The following UIMC1 variants were observed in gnomAD, a reference collection of about 807,000 sequenced individuals.
UIMC1 encodes the protein ubiquitin interaction motif containing 1, also known as BRCA1-A complex subunit RAP80.
UIMC1 carries 42 observed loss-of-function variants against 84.9 expected under a neutral mutation model. The observed-to-expected ratio is 0.49, with a 90% confidence interval of 0.39 to 0.64. The LOEUF (loss-of-function observed/expected upper bound fraction) is 0.64, where lower values mean the gene tolerates loss of function less well. Among genes scored for constraint, UIMC1 ranks in the 30% least tolerant of loss-of-function variants. UIMC1 has a pLI of 0.00. For missense variants in UIMC1, 825 were observed against 847.6 expected (o/e 0.97, Z 0.33); for synonymous variants, 281 against 293.0 (o/e 0.96, Z 0.42).
At chr5:176,954,882 C>T (rs1561816289) in intron 8 of UIMC1, among the ~76,000 whole-genome samples, 1 of 151,952 alleles carries the variant, frequency 6.6e-6, no homozygotes, top group Admixed American at 6.6e-5. Context: ...GTTTGAGTCT[C>T]TGTGGAAAAA....
chr5:176,933,570 A>G (rs1173977796), intron 10 of UIMC1, among the ~76,000 whole-genome samples: 1 of 151,408 alleles, frequency 6.6e-6, no homozygotes, highest in Non-Finnish European at 1.5e-5. Flanking sequence ...TTGCTCAGTC[A>G]CTCAGGCTGG....
intron 10 of UIMC1, among the ~76,000 whole-genome samples, chr5:176,924,250 G>A (rs1351798742): frequency 4.7e-5 from 7 of 149,146 alleles, no homozygotes; most frequent in Admixed American, 1.3e-4. Flanking sequence ...CCTGGGAGGC[G>A]GAGGTTGCAG....
At chr5:177,003,570 T>C (rs1010053219) in intron 1 of UIMC1, among the ~76,000 whole-genome samples, 3 of 152,086 alleles carry the variant, frequency 2.0e-5, no homozygotes, top group Admixed American at 6.6e-5. Context: ...GGAGAATCAC[T>C]TGAACCCGGG....
upstream of UIMC1, among the ~76,000 whole-genome samples, chr5:177,009,207 A>C (rs1251309310): frequency 5.9e-5 from 9 of 151,860 alleles, no homozygotes; most frequent in Admixed American, 5.9e-4. The surrounding 1 kb of genome is among the most constrained non-coding windows in gnomAD (Gnocchi z 4.3). Context: ...ACGGAGTCTC[A>C]TTATGTGCCC....
chr5:176,920,133 T>C (rs937661089), intron 10 of UIMC1, among the ~76,000 whole-genome samples: 1 of 152,170 alleles, frequency 6.6e-6, no homozygotes, highest in Non-Finnish European at 1.5e-5. Context: ...GTGATTCTCC[T>C]GCCTCAGCCT....
chr5:176,977,412 G>A (rs531825734), intron 2 of UIMC1, among the ~76,000 whole-genome samples: 12 of 151,732 alleles, frequency 7.9e-5, no homozygotes, highest in African/African-American at 2.2e-4. Flanking sequence ...CAAAACGTGC[G>A]TTCTTCTCAA....
intron 2 of UIMC1, among the ~76,000 whole-genome samples, chr5:176,979,016 TA>T (rs1770586757): frequency 6.6e-6 from 1 of 152,156 alleles, no homozygotes; most frequent in Admixed American, 6.6e-5. Context: ...AAATGATAGT[TA>T]TTAGCAGAGA....
At chr5:177,014,566 T>C (rs1374168323) in intron 1 of UIMC1, among the ~76,000 whole-genome samples, 1 of 151,988 alleles carries the variant, frequency 6.6e-6, no homozygotes, top group Non-Finnish European at 1.5e-5. Context: ...CAGGAGATGG[T>C]AGAAGGACAT....
intron 12 of UIMC1, chr5:176,907,402 A>C (rs1759531763): frequency 2.2e-6 from 1 of 444,914 alleles, no homozygotes; most frequent in Non-Finnish European, 4.1e-6. Context: ...TAAAATAGAA[A>C]ATAAATTTTA....
In UIMC1 at chr5:176,969,063, C is replaced by T; in HGVS notation, c.692G>A (p.Gly231Glu). The T allele has an allele frequency of 2.5e-6, 4 of 1,614,170 alleles. No homozygotes were observed. The highest frequency in any genetic ancestry group is 3.4e-6 in the Non-Finnish European group (4 of 1,180,022). Reference protein sequence around the residue: ...TGHSAEHTQCGKPQESTGRGS... With the variant: ...TGHSAEHTQCEKPQESTGRGS... ...CCTCCCAGTACTTTCCTGTGGCTTC[C>T]CACACTGTGTGTGCTCAGCCGAGTG... The change falls in exon 6 of 15, where the codon GGG (glycine) becomes GAG (glutamate). Residue 231 changes from glycine to glutamate, a missense_variant. Gly to Glu is a moderately conservative substitution (Grantham distance 98). Transcript: ENST00000511320.
intron 9 of UIMC1, among the ~76,000 whole-genome samples, chr5:176,950,678 T>C (rs907055714): frequency 6.6e-6 from 1 of 151,846 alleles, no homozygotes. Flanking sequence ...AATACCAGCC[T>C]GGCCAACGTG....
intron 1 of UIMC1, among the ~76,000 whole-genome samples, chr5:176,985,028 C>T (rs2149511696): frequency 6.6e-6 from 1 of 152,226 alleles, no homozygotes; most frequent in East Asian, 1.9e-4. Flanking sequence ...ACCTTCTCTC[C>T]ACTATTATCC....
intron 10 of UIMC1, among the ~76,000 whole-genome samples, chr5:176,914,586 A>C (rs1374794351): frequency 6.6e-6 from 1 of 152,210 alleles, no homozygotes; most frequent in Non-Finnish European, 1.5e-5. Context: ...CCAAGGTGTA[A>C]AGAGATATGC....
In UIMC1 at chr5:176,968,536, C is replaced by T. The variant is rs1768672094; in HGVS notation, c.1200+19G>A. ...TCTGTGAATAAATCATCCTTAATTA[C>T]AGCATCACTGACCCTTACCTGACCA... On this transcript the variant is annotated intron_variant, in intron 6 of 14. Coordinates refer to ENST00000511320, the MANE Select transcript of UIMC1 (RefSeq NM_001199298.2). 1.3e-6 allele frequency: 2 copies of T among 1,563,374 alleles called. No individual in the cohort carries two copies. The highest frequency in any genetic ancestry group is 2.0e-5 in the Admixed American group (1 of 49,172).
intron 1 of UIMC1, among the ~76,000 whole-genome samples, chr5:177,000,543 C>A (rs778922914): frequency 7.3e-6 from 1 of 136,720 alleles, no homozygotes; most frequent in Non-Finnish European, 1.5e-5. Flanking sequence ...TCTTATTGCC[C>A]AGGCTGGAGT....
At chr5:176,978,892 T>A (rs888556362) in intron 2 of UIMC1, among the ~76,000 whole-genome samples, 3 of 151,946 alleles carry the variant, frequency 2.0e-5, no homozygotes, top group African/African-American at 7.3e-5. Context: ...TAGCAAAACA[T>A]CAGAAGTAAA....
At chr5:176,912,480 T>G (rs1486819061) in intron 10 of UIMC1, among the ~76,000 whole-genome samples, 2 of 150,400 alleles carry the variant, frequency 1.3e-5, no homozygotes, top group African/African-American at 2.4e-5. Context: ...TTTTGTTTTT[T>G]TTTTTTTTTG....
intron 1 of UIMC1, among the ~76,000 whole-genome samples, chr5:177,004,891 T>G (rs1232445808): frequency 6.6e-6 from 1 of 152,100 alleles, no homozygotes; most frequent in Non-Finnish European, 1.5e-5. Context: ...CTTTTACCCC[T>G]AAATAGGTAC....
intron 10 of UIMC1, among the ~76,000 whole-genome samples, chr5:176,914,292 T>A (rs1282458414): frequency 6.6e-6 from 1 of 152,188 alleles, no homozygotes; most frequent in Non-Finnish European, 1.5e-5. Context: ...CAGCTATGTG[T>A]CCTCTGCATA....
Sources: allele counts gnomAD v4.1 joint callset (sites outside exome capture counted in the v4.1 genomes callset), GRCh38; gene constraint gnomAD v4.1.1; non-coding constraint Gnocchi (gnomAD v3.1); transcripts MANE v1.5; gene names NCBI Gene and HGNC (gene_info 2026-07-23, HGNC 2026-07-21).